The following HMCN1 variants were observed in gnomAD, a reference collection of about 807,000 sequenced individuals.
The protein encoded by HMCN1 is hemicentin-1.
In HMCN1, 321 loss-of-function variants were observed where a neutral mutation model predicts 625.9. That is an observed-to-expected ratio of 0.51 (90% CI 0.47 to 0.56). HMCN1 has a LOEUF of 0.56. HMCN1 is among the 20% of genes least tolerant of loss of function. The pLI, the probability that HMCN1 is intolerant of heterozygous loss-of-function variation, is 0.00. For missense variants in HMCN1, 6,588 were observed against 6,887.3 expected (o/e 0.96, Z 1.54); for synonymous variants, 2,425 against 2,417.6 (o/e 1.00, Z -0.09).
intron 1 of HMCN1, among the ~76,000 whole-genome samples, chr1:185,832,140 A>G (rs934420967): frequency 1.3e-5 from 2 of 151,978 alleles, no homozygotes; most frequent in African/African-American, 4.8e-5. Context: ...TACTAAAAAT[A>G]CAAAAATTAG....
chr1:186,056,918 A>T (rs892669308), intron 45 of HMCN1, among the ~76,000 whole-genome samples: 1 of 151,880 alleles, frequency 6.6e-6, no homozygotes, highest in Non-Finnish European at 1.5e-5. Flanking sequence ...TTGCAATTAA[A>T]AAAAAGGGGG....
chr1:186,097,896 A>C lies in HMCN1; in HGVS notation c.10573+2375A>C, dbSNP rs1035527592. Among the ~76,000 whole-genome samples, 3 of 152,186 alleles carry C rather than the reference A, an allele frequency of 2.0e-5. No individual in the cohort carries two copies. The East Asian group carries it at 5.8e-4, about 29-fold the overall frequency. ...GAATAAGGAGCTCAGAAATAAATTC[A>C]TGCATCTACAGCCACCTGATTTTTG... On this transcript the variant is annotated intron_variant, in intron 68 of 106. Transcript: ENST00000271588.
At chr1:185,859,729 G>A (rs892602658) in intron 2 of HMCN1, among the ~76,000 whole-genome samples, 4 of 151,938 alleles carry the variant, frequency 2.6e-5, no homozygotes, top group Non-Finnish European at 4.4e-5. Flanking sequence ...GTAGTGGTGC[G>A]ATCTCGATTC....
At chr1:186,159,147 A>G (rs1206694611) in intron 97 of HMCN1, among the ~76,000 whole-genome samples, 10 of 151,412 alleles carry the variant, frequency 6.6e-5, no homozygotes, top group African/African-American at 2.4e-4. Flanking sequence ...GGTCCTTCAC[A>G]TCCCTTGTAA....
At chr1:186,167,600 A>G (rs1651960017) in intron 100 of HMCN1, among the ~76,000 whole-genome samples, 1 of 152,218 alleles carries the variant, frequency 6.6e-6, no homozygotes, top group Non-Finnish European at 1.5e-5. Context: ...GTGGTACAGA[A>G]TAGTTTCATT....
chr1:186,139,641 C>T (rs866993314), intron 89 of HMCN1, among the ~76,000 whole-genome samples: 1 of 150,440 alleles, frequency 6.6e-6, no homozygotes, highest in African/African-American at 2.4e-5. Context: ...TTCCCCCAGT[C>T]CCTAAACCAA....
chr1:185,961,551 G>A (rs1247194319), intron 11 of HMCN1, among the ~76,000 whole-genome samples: 1 of 152,082 alleles, frequency 6.6e-6, no homozygotes, highest in Non-Finnish European at 1.5e-5. Context: ...ATTTACTTTT[G>A]TTTACCTTAT....
chr1:185,929,648 A>C (rs1356423116), intron 10 of HMCN1, among the ~76,000 whole-genome samples: 1 of 152,152 alleles, frequency 6.6e-6, no homozygotes, highest in Admixed American at 6.6e-5. Flanking sequence ...ATTTAAGACA[A>C]AGGAAGCTTA....
chr1:186,055,606 G>A lies in HMCN1; in HGVS notation c.7076G>A (p.Gly2359Asp). Residue 2359 changes from glycine to aspartate, a missense_variant, in exon 45 of 107, where the codon GGC becomes GAC. Around this residue, in one of 3 missense-constraint regions of HMCN1, gnomAD observed 4,628 missense variants for 4,853.1 expected, o/e 0.95. Transcript: ENST00000271588. ...AAGAACATTCATGTATCTGACACAG[G>A]CCGTTATGTGTGTGTTGCTGTGAAT... is the stretch of plus-strand genomic sequence containing the variant. ...QLKNIHVSDT[G>D]RYVCVAVNVA... is the part of the protein sequence containing the mutation. 6.2e-7 allele frequency: 1 copy of A among 1,612,670 alleles called. No homozygotes were observed. Among genetic ancestry groups the A allele is most frequent in the Non-Finnish European group, 8.5e-7 (1 of 1,179,098 alleles).
chr1:185,962,750 T>A (rs1343471834), intron 12 of HMCN1, 91 bp downstream of exon 12: 1 of 797,944 alleles, frequency 1.3e-6, no homozygotes, highest in Admixed American at 1.7e-5. Context: ...ATCCCTAATA[T>A]TAAGGGAGGT....
At position 185,842,831 on chromosome 1, in the gene HMCN1, C is replaced by A. The variant is rs1661567551; in HGVS notation, c.269-3195C>A. Among the ~76,000 whole-genome samples the A allele has an allele frequency of 2.0e-5, 3 of 152,112 alleles. No homozygotes were observed. The South Asian group carries it at 6.2e-4, about 31-fold the overall frequency. On this transcript the variant is annotated intron_variant, in intron 1 of 106. Transcript: ENST00000271588. Reference sequence around the variant, plus strand: ...AATTCTGGACTCCAAAGAAGCTCATCCTGCCCATAGTTCAGAGGAAAGGAG... The same window carrying A: ...AATTCTGGACTCCAAAGAAGCTCATACTGCCCATAGTTCAGAGGAAAGGAG...
intron 1 of HMCN1, among the ~76,000 whole-genome samples, chr1:185,815,501 A>T (rs1659789498): frequency 6.7e-6 from 1 of 150,124 alleles, no homozygotes; most frequent in Non-Finnish European, 1.5e-5. Context: ...CTCCAGGAAG[A>T]TTTGTTGAAT....
chr1:186,039,307 G>A (rs1221948129), intron 38 of HMCN1, among the ~76,000 whole-genome samples: 3 of 152,024 alleles, frequency 2.0e-5, no homozygotes, highest in Non-Finnish European at 4.4e-5. Flanking sequence ...AGGTATTAAC[G>A]AAATGTTTTT....
intron 11 of HMCN1, among the ~76,000 whole-genome samples, chr1:185,947,125 G>A (rs1387165112): frequency 6.6e-6 from 1 of 152,120 alleles, no homozygotes; most frequent in Non-Finnish European, 1.5e-5. Context: ...GTAGTTCTTT[G>A]CTTGGGTGTT....
intron 1 of HMCN1, among the ~76,000 whole-genome samples, chr1:185,751,545 T>C (rs1654815771): frequency 6.6e-6 from 1 of 152,192 alleles, no homozygotes; most frequent in African/African-American, 2.4e-5. Flanking sequence ...GGACTCAGAT[T>C]TTTATTAAAT....
intron 1 of HMCN1, among the ~76,000 whole-genome samples, chr1:185,814,954 A>G (rs1659755169): frequency 6.7e-6 from 1 of 150,182 alleles, no homozygotes; most frequent in East Asian, 1.9e-4. Context: ...GGCCTCCCAA[A>G]GTGCTGGGAT....
At chr1:186,085,379 C>G (rs1041292551) in intron 57 of HMCN1, among the ~76,000 whole-genome samples, 4 of 152,130 alleles carry the variant, frequency 2.6e-5, no homozygotes, top group Admixed American at 2.0e-4. Flanking sequence ...TTGCAGGCAC[C>G]TGCTTTGTCT....
intron 86 of HMCN1, among the ~76,000 whole-genome samples, chr1:186,134,636 C>A (rs10489756): frequency 0.41 from 62,469 of 151,848 alleles, 13,453 homozygotes; most frequent in East Asian, 0.58. Flanking sequence ...GTCACGGATA[C>A]CTTTGCAGAA....
At chr1:186,063,069 T>TGTGC (rs1179727077) in intron 48 of HMCN1, among the ~76,000 whole-genome samples, 11 of 72,032 alleles carry the variant, frequency 1.5e-4, no homozygotes, top group Non-Finnish European at 2.5e-4. Flanking sequence ...TGTGTGTGCA[T>TGTGC]ATATATATAT....
Sources: allele counts gnomAD v4.1 joint callset (sites outside exome capture counted in the v4.1 genomes callset), GRCh38; gene constraint gnomAD v4.1.1; regional missense constraint gnomAD v4.1.1; transcripts MANE v1.5; gene names NCBI Gene and HGNC (gene_info 2026-07-23, HGNC 2026-07-21).